The following RAPGEF5 variants were observed in gnomAD, a reference collection of about 807,000 sequenced individuals.
The protein encoded by RAPGEF5 is Rap guanine nucleotide exchange factor 5, also known as M-Ras-regulated GEF.
In RAPGEF5, 65 loss-of-function variants were observed where a neutral mutation model predicts 125.2. The ratio of observed to expected loss-of-function variants is 0.52; its 90% confidence interval spans 0.43 to 0.64. RAPGEF5 has a LOEUF of 0.64. Among genes scored for constraint, RAPGEF5 ranks in the 30% least tolerant of loss-of-function variants. The probability of loss-of-function intolerance (pLI) is 0.00; values close to 1 mark genes in which losing one functional copy is unlikely to be tolerated. For synonymous variants in RAPGEF5, 391 were observed against 385.9 expected, an observed-to-expected ratio of 1.01 and a Z score of -0.16; for missense variants, 958 against 1,048.1, an observed-to-expected ratio of 0.91 and a Z score of 1.19.
Position 22,317,989 on chromosome 7 carries a change from G to A in RAPGEF5, c.280C>T (p.Gln94Ter). 6.5e-7 allele frequency: 1 copy of A among 1,548,204 alleles called. No individual in the cohort carries two copies. The highest frequency in any genetic ancestry group is 1.2e-5 in the South Asian group (1 of 83,146). ...AGTAAAAGAGAAAGGAATCATACCT[G>A]GGAAGGCGTATGTTCAAGGTACGGA... ...SNPYLEHTPS[Q>*]IYGENSSCAG... Residue 94 changes from glutamine to a stop codon, truncating the protein, a stop_gained and splice_region_variant, in exon 2 of 26, where the codon CAG becomes TAG. Transcript: ENST00000665637. LOFTEE classifies it high-confidence loss of function.
chr7:22,236,299 C>A (rs1474915630), intron 7 of RAPGEF5, among the ~76,000 whole-genome samples: 1 of 152,088 alleles, frequency 6.6e-6, no homozygotes, highest in Non-Finnish European at 1.5e-5. Flanking sequence ...AATCTGTCTC[C>A]ATTTCTGCCC....
intron 1 of RAPGEF5, among the ~76,000 whole-genome samples, chr7:22,342,135 C>T (rs968384573): frequency 5.9e-5 from 9 of 152,250 alleles, no homozygotes; most frequent in Non-Finnish European, 1.0e-4. Flanking sequence ...CAATTCTTGA[C>T]TTCTGTGCAC....
chr7:22,185,260 A>G (rs1010983231), intron 11 of RAPGEF5, among the ~76,000 whole-genome samples: 6 of 152,226 alleles, frequency 3.9e-5, no homozygotes, highest in Non-Finnish European at 7.3e-5. Context: ...TGTCCATTAA[A>G]TGGGGATAAT....
chr7:22,187,578 G>A lies in RAPGEF5; in HGVS notation c.1204+5789C>T, dbSNP rs551536531. On this transcript the variant is annotated intron_variant, in intron 11 of 25. Transcript: ENST00000665637. The stretch of plus-strand genomic sequence containing the variant: ...GTCCCACCTTCTCATTCCAAGAGAT[G>A]AGAAACCAAACATTTTGTGTGTCCA... 6.6e-5 allele frequency among the ~76,000 whole-genome samples: 10 copies of A among 152,302 alleles called. No homozygotes were observed. In the South Asian group the frequency reaches 1.2e-3, roughly 19 times the overall value.
At chr7:22,283,967 T>C (rs1014455513) in intron 6 of RAPGEF5, among the ~76,000 whole-genome samples, 1 of 152,072 alleles carries the variant, frequency 6.6e-6, no homozygotes, top group Non-Finnish European at 1.5e-5. Context: ...AACCAAACTC[T>C]CAGGGCTAGA....
At chr7:22,181,895 T>C (rs1383585251) in intron 11 of RAPGEF5, among the ~76,000 whole-genome samples, 1 of 152,158 alleles carries the variant, frequency 6.6e-6, no homozygotes, top group African/African-American at 2.4e-5. Context: ...CAATTATAGG[T>C]AGGTTAAAAG....
intron 6 of RAPGEF5, among the ~76,000 whole-genome samples, chr7:22,286,007 T>A (rs745680138): frequency 2.6e-5 from 4 of 152,246 alleles, no homozygotes; most frequent in African/African-American, 9.6e-5. Flanking sequence ...CCCAGTTACA[T>A]GATCCAAGAG....
chr7:22,316,481 A>ATT (rs1783598173), intron 2 of RAPGEF5, among the ~76,000 whole-genome samples: 6 of 42,606 alleles, frequency 1.4e-4, no homozygotes, highest in East Asian at 1.3e-3. Context: ...ATATATATAT[A>ATT]TATATATATT....
intron 7 of RAPGEF5, among the ~76,000 whole-genome samples, chr7:22,235,356 A>C (rs1352375395): frequency 6.6e-6 from 1 of 152,170 alleles, no homozygotes; most frequent in Non-Finnish European, 1.5e-5. Context: ...TTAGGCCTCA[A>C]ATGTAAAATG....
Position 22,246,667 on chromosome 7 carries a change from CA to C in RAPGEF5, c.797-15749del, listed in dbSNP as rs145477896. On this transcript the variant is annotated intron_variant, in intron 7 of 25. Coordinates refer to ENST00000665637, the MANE Select transcript of RAPGEF5 (RefSeq NM_012294.5). ...GCACCATTGTGGACATTAGCCTTGG[CA>C]AAAAAAAATTATTACTAGGCCTTCA... Among the ~76,000 whole-genome samples the C allele has an allele frequency of 3.3e-5, 5 of 150,006 alleles. No individual in the cohort carries two copies. The East Asian group carries it at 5.8e-4, about 18-fold the overall frequency.
chr7:22,252,143 A>C (rs903764438), intron 7 of RAPGEF5, among the ~76,000 whole-genome samples: 1 of 152,176 alleles, frequency 6.6e-6, no homozygotes, highest in African/African-American at 2.4e-5. Flanking sequence ...TGTCTCAGGA[A>C]ACTGTTTCTC....
At chr7:22,276,342 C>A (rs1404451944) in intron 6 of RAPGEF5, among the ~76,000 whole-genome samples, 1 of 152,152 alleles carries the variant, frequency 6.6e-6, no homozygotes, top group Non-Finnish European at 1.5e-5. Flanking sequence ...TTTTTAAACT[C>A]ATGTCTTACT....
chr7:22,204,278 T>C (rs1785348357), intron 9 of RAPGEF5, among the ~76,000 whole-genome samples: 1 of 152,202 alleles, frequency 6.6e-6, no homozygotes, highest in Non-Finnish European at 1.5e-5. Context: ...CTGAAATTAT[T>C]TGAAAAAGCT....
At chr7:22,313,045 A>G (rs1783509590) in intron 3 of RAPGEF5, among the ~76,000 whole-genome samples, 1 of 152,206 alleles carries the variant, frequency 6.6e-6, no homozygotes, top group South Asian at 2.1e-4. Flanking sequence ...AACTGCTCCA[A>G]GTACATGCAG....
At chr7:22,351,751 G>A (rs912471110) in intron 1 of RAPGEF5, among the ~76,000 whole-genome samples, 3 of 152,138 alleles carry the variant, frequency 2.0e-5, no homozygotes, top group South Asian at 2.1e-4. Flanking sequence ...TGCCTAAAAC[G>A]GCGATACATT....
At chr7:22,181,798 A>G (rs112371542) in intron 11 of RAPGEF5, among the ~76,000 whole-genome samples, 2,608 of 152,332 alleles carry the variant, frequency 0.017, 74 homozygotes, top group African/African-American at 0.059. Context: ...TAGAGTAAGA[A>G]AGCCTGAGGC....
Position 22,136,979 on chromosome 7 carries a change from AT to A in RAPGEF5, c.2281del (p.Ile761SerfsTer15). The A allele has an allele frequency of 6.3e-7, 1 of 1,578,586 alleles. No individual in the cohort carries two copies. Among genetic ancestry groups the A allele is most frequent in the Non-Finnish European group, 8.6e-7 (1 of 1,157,852 alleles). On this transcript the variant is annotated frameshift_variant, in exon 22 of 26. Coordinates refer to ENST00000665637, the MANE Select transcript of RAPGEF5 (RefSeq NM_012294.5). LOFTEE classifies it high-confidence loss of function. ...GAAAAGTTTCTTAAACTTCCCAGGG[AT>A]TTTCTAAAAAACAAACACAAACAAA... ...VSRLSQTWEKIPGKFKKLFSE... is the reference protein window; with the variant it reads ...VSRLSQTWEKXPGKFKKLFSE...
intron 1 of RAPGEF5, among the ~76,000 whole-genome samples, chr7:22,323,035 C>A (rs919605172): frequency 6.6e-6 from 1 of 152,198 alleles, no homozygotes; most frequent in Non-Finnish European, 1.5e-5. Context: ...GTGGCTGAAC[C>A]TCCAAGTGGC....
At chr7:22,278,619 T>C (rs528685124) in intron 6 of RAPGEF5, among the ~76,000 whole-genome samples, 1 of 151,842 alleles carries the variant, frequency 6.6e-6, no homozygotes, top group African/African-American at 2.4e-5. Flanking sequence ...TTATTTACCA[T>C]ATTATTTTAT....
Sources: gnomAD v4.1 joint callset for allele counts (sites outside exome capture counted in the v4.1 genomes callset) on GRCh38, gnomAD v4.1.1 for gene constraint, MANE v1.5 for transcripts, NCBI Gene and HGNC (gene_info 2026-07-23, HGNC 2026-07-21) for gene names.